The following PLEKHA4 variants were observed in gnomAD, a reference collection of about 807,000 sequenced individuals.
PLEKHA4 encodes pleckstrin homology domain-containing family A member 4.
PLEKHA4 carries 73 observed loss-of-function variants against 94.7 expected under a neutral mutation model. That is an observed-to-expected ratio of 0.77 (90% CI 0.64 to 0.94). PLEKHA4 has a LOEUF of 0.94. Ranked by LOEUF, PLEKHA4 falls within the 40% of genes least tolerant of loss-of-function variation. The pLI is 0.00. For synonymous variants in PLEKHA4, 449 were observed against 437.1 expected (o/e 1.03, Z -0.34); for missense variants, 1,049 against 1,054.1 (o/e 1.00, Z 0.07).
intron 9 of PLEKHA4, among the ~76,000 whole-genome samples, chr19:48,856,939 GA>G (rs1019671312): frequency 1.6e-5 from 2 of 122,150 alleles, no homozygotes; most frequent in Non-Finnish European, 3.2e-5. Context: ...GAAAAGAAAA[GA>G]AAAAGAAAGA....
chr19:48,859,578 G>A lies in PLEKHA4; in HGVS notation c.583C>T (p.Pro195Ser), dbSNP rs1393611411. Residue 195 changes from proline (P) to serine (S), a missense_variant, in exon 7 of 20, where the codon CCG becomes TCG. Pro to Ser is a moderately conservative substitution (Grantham distance 74, BLOSUM62 -1). Transcript: ENST00000263265. ...RGEEGRISES[P>S]EVTRLSRGRG... Reference sequence around the variant, plus strand: ...CCTCTGGAGAGTCGAGTCACTTCCGGTGATTCTGAGATGCGCCCCTCTTCC... The same window carrying A: ...CCTCTGGAGAGTCGAGTCACTTCCGATGATTCTGAGATGCGCCCCTCTTCC... 1.9e-6 allele frequency: 3 copies of A among 1,613,858 alleles called. No individual in the cohort carries two copies. Among genetic ancestry groups the A allele is most frequent in the African/African-American group, 1.3e-5 (1 of 74,912 alleles).
intron 13 of PLEKHA4, 107 bp from the exon 14 acceptor site, chr19:48,848,147 G>T: frequency 8.0e-7 from 1 of 1,243,630 alleles, no homozygotes; most frequent in Non-Finnish European, 1.1e-6. Context: ...TATTTATGGA[G>T]TTGGGATTTA....
rs776476221 is a variant in PLEKHA4, at chr19:48,859,656, G to A, written c.505C>T (p.Gln169Ter). The change falls in exon 7 of 20, where the codon CAG (glutamine) becomes TAG (stop). Residue 169 changes from glutamine to a stop codon, truncating the protein, a stop_gained. Transcript: ENST00000263265. LOFTEE classifies it high-confidence loss of function. ...GGGCCGCCGGGGCCCTCCCCGGGCT[G>A]GGGTCGTGCAGGTGACCTGGGTTGC... ...YGQPRSPARP[Q>*]PGEGPGGPGG... is the part of the protein sequence containing the mutation. The A allele has an allele frequency of 5.0e-6, 8 of 1,612,118 alleles. No individual in the cohort carries two copies. In the Admixed American group the frequency reaches 1.2e-4, roughly 24 times the overall value.
chr19:48,853,928 A>G (rs2123047532), intron 11 of PLEKHA4, 79 bp downstream of exon 11: 2 of 1,600,498 alleles, frequency 1.2e-6, no homozygotes, highest in African/African-American at 1.3e-5. Flanking sequence ...TCCAGTCAGC[A>G]TCCTGACTTC....
chr19:48,837,600 C>G lies in PLEKHA4; in HGVS notation c.2078-49G>C. The G allele has an allele frequency of 1.9e-6, 3 of 1,600,294 alleles. No individual in the cohort carries two copies. Among genetic ancestry groups the G allele is most frequent in the Non-Finnish European group, 2.6e-6 (3 of 1,172,904 alleles). On this transcript the variant is annotated intron_variant, in intron 19 of 19. Coordinates refer to ENST00000263265, the MANE Select transcript of PLEKHA4 (RefSeq NM_020904.3). This position sits in a 1 kb window ranked among gnomAD's most constrained non-coding sequence, Gnocchi z 4.3. ...AGAATGGCAAACCTCAGCGCTAGGA[C>G]CCCGGATTCCCAGCCCCTCCTCCCT...
chr19:48,848,116 G>T, intron 13 of PLEKHA4, 76 bp from the exon 14 acceptor site: 1 of 1,447,456 alleles, frequency 6.9e-7, no homozygotes, highest in Non-Finnish European at 9.5e-7. Flanking sequence ...CCCCTGCAAA[G>T]GTCTGAAATC....
intron 13 of PLEKHA4, among the ~76,000 whole-genome samples, chr19:48,849,514 C>G (rs960910882): frequency 2.0e-5 from 3 of 151,734 alleles, no homozygotes; most frequent in Non-Finnish European, 4.4e-5. Context: ...TCACCATGTT[C>G]GTCAGATTGG....
At chr19:48,853,536 T>G in intron 12 of PLEKHA4, 146 bp downstream of exon 12, 33 of 840,100 alleles carry the variant, frequency 3.9e-5, no homozygotes, top group South Asian at 6.0e-5. Context: ...TACAAGACAA[T>G]GAGGAGAGAG....
chr19:48,843,973 T>A (rs149528112), intron 16 of PLEKHA4, among the ~76,000 whole-genome samples: 10 of 151,386 alleles, frequency 6.6e-5, no homozygotes, highest in African/African-American at 2.4e-4. Flanking sequence ...TAACTTTTTA[T>A]TATTTTTTTG....
intron 17 of PLEKHA4, among the ~76,000 whole-genome samples, chr19:48,840,393 C>T (rs907589111): frequency 1.2e-4 from 18 of 148,948 alleles, no homozygotes; most frequent in African/African-American, 3.5e-4. Flanking sequence ...CTAGCCTGGG[C>T]GACCTTGTCC....
At chr19:48,856,354 C>T (rs907002560) in intron 9 of PLEKHA4, among the ~76,000 whole-genome samples, 16 of 131,392 alleles carry the variant, frequency 1.2e-4, no homozygotes, top group African/African-American at 3.8e-4. Flanking sequence ...GAGGCCGAGG[C>T]GGGCAGATCA....
At chr19:48,863,570 G>A (rs138281121) in intron 3 of PLEKHA4, among the ~76,000 whole-genome samples, 19,243 of 151,298 alleles carry the variant, frequency 0.13, 1,515 homozygotes, top group Non-Finnish European at 0.17. Flanking sequence ...AGCTGGGACT[G>A]CAGGCGACCA....
At chr19:48,842,849 TCA>T (rs2035819724) in intron 16 of PLEKHA4, among the ~76,000 whole-genome samples, 1 of 152,222 alleles carries the variant, frequency 6.6e-6, no homozygotes, top group Non-Finnish European at 1.5e-5. Flanking sequence ...GACAAATCTG[TCA>T]GTGTCCACCA....
At chr19:48,854,437 T>C (rs1305426564) in intron 9 of PLEKHA4, among the ~76,000 whole-genome samples, 173 bp from the exon 10 acceptor site, 2 of 152,178 alleles carry the variant, frequency 1.3e-5, no homozygotes, top group Admixed American at 6.6e-5. Context: ...CGTGCGATCA[T>C]GGTTCGCTGC....
intron 5 of PLEKHA4, 52 bp from the exon 6 acceptor site, chr19:48,860,511 G>T: frequency 1.4e-6 from 2 of 1,389,110 alleles, no homozygotes; most frequent in Non-Finnish European, 2.0e-6. Flanking sequence ...GTAAAAAGGA[G>T]GACAGGCCGG....
Position 48,868,282 on chromosome 19 carries a change from A to G in PLEKHA4, c.-206T>C, listed in dbSNP as rs1340028589. The G allele has an allele frequency of 3.7e-5, 5 of 135,544 alleles. No individual in the cohort carries two copies. The highest frequency in any genetic ancestry group is 3.6e-4 in the Admixed American group (5 of 13,810). 8.4% of individuals were successfully genotyped at this position (135,544 alleles called of 1,614,324 possible). Reference sequence around the variant, plus strand: ...TCTCTCTCTCTCTTCCTTTTACACTACCTCTCTCCCCACTCTCACTTTCTG... The same window carrying G: ...TCTCTCTCTCTCTTCCTTTTACACTGCCTCTCTCCCCACTCTCACTTTCTG... On this transcript the variant is annotated 5_prime_UTR_variant, in exon 1 of 20. Transcript: ENST00000263265.
intron 7 of PLEKHA4, 36 bp downstream of exon 7, chr19:48,859,433 T>G (rs778538714): frequency 2.7e-5 from 43 of 1,607,430 alleles, no homozygotes; most frequent in Non-Finnish European, 3.5e-5. Context: ...TGCCCTTCTC[T>G]TAGGCCACGC....
chr19:48,839,247 G>C lies in PLEKHA4; in HGVS notation c.1922C>G (p.Ser641Trp), dbSNP rs778322484. ...GCTTCTGAGCCATTTCTGGGCTCCC[G>C]AGTGTCCTACGACAGGCTGGAAAGG... is the stretch of plus-strand genomic sequence containing the variant. ...DVEQRPVVGHSGAQKWLRSSG... is the reference protein window; with the variant it reads ...DVEQRPVVGHWGAQKWLRSSG... The change falls in exon 18 of 20, where the codon TCG becomes TGG. Residue 641 changes from serine to tryptophan, a missense_variant. Ser to Trp is a radical substitution (Grantham distance 177). Coordinates refer to ENST00000263265, the MANE Select transcript of PLEKHA4 (RefSeq NM_020904.3). 2 of 1,593,168 alleles carry C rather than the reference G, an allele frequency of 1.3e-6. No homozygotes were observed. The highest frequency in any genetic ancestry group is 8.6e-7 in the Non-Finnish European group (1 of 1,166,444).
In PLEKHA4 at chr19:48,867,502, C is replaced by T; in HGVS notation, c.84+35G>A. ...CAGAAGGATGGGCGGCCCAGAGCCC[C>T]ACCTTCCTCCCCATCCCCGCCAGGA... is the stretch of plus-strand genomic sequence containing the variant. On this transcript the variant is annotated intron_variant, in intron 2 of 19. Transcript: ENST00000263265. This position sits in a 1 kb window ranked among gnomAD's most constrained non-coding sequence, Gnocchi z 4.7. 6 of 1,565,708 alleles carry T rather than the reference C, an allele frequency of 3.8e-6. No individual in the cohort carries two copies. The highest frequency in any genetic ancestry group is 5.2e-6 in the Non-Finnish European group (6 of 1,156,116).
Sources: allele counts gnomAD v4.1 joint callset (sites outside exome capture counted in the v4.1 genomes callset), GRCh38; gene constraint gnomAD v4.1.1; non-coding constraint Gnocchi (gnomAD v3.1); transcripts MANE v1.5; gene names NCBI Gene and HGNC (gene_info 2026-07-23, HGNC 2026-07-21).